Variants in PTPRD observed in about 807,000 individuals in gnomAD.
PTPRD encodes receptor-type tyrosine-protein phosphatase delta.
In PTPRD, 34 loss-of-function variants were observed where a neutral mutation model predicts 214.5. The ratio of observed to expected loss-of-function variants is 0.16; its 90% CI spans 0.12 to 0.21. The LOEUF (loss-of-function observed/expected upper bound fraction) is 0.21, where lower values mean the gene tolerates loss of function less well. Ranked by LOEUF, PTPRD falls within the 10% of genes least tolerant of loss-of-function variation. The pLI, the probability that PTPRD is intolerant of heterozygous loss-of-function variation, is 1.00. For synonymous variants in PTPRD, 1,128 were observed against 845.7 expected (o/e 1.33, Z -5.79); for missense variants, 2,545 against 2,398.7 (o/e 1.06, Z -1.27).
chr9:9,555,566 T>A (rs1247438604), intron 8 of PTPRD, among the ~76,000 whole-genome samples: 1 of 152,086 alleles, frequency 6.6e-6, no homozygotes, highest in Non-Finnish European at 1.5e-5. Flanking sequence ...TCAGCATTAT[T>A]GTAGGATGGA....
At chr9:9,295,663 G>A (rs1201181359) in intron 9 of PTPRD, among the ~76,000 whole-genome samples, 2 of 151,762 alleles carry the variant, frequency 1.3e-5, no homozygotes, top group Non-Finnish European at 2.9e-5. Flanking sequence ...ATATTTTATT[G>A]TATAACCAGA....
chr9:9,908,483 C>G (rs916538694), intron 5 of PTPRD, among the ~76,000 whole-genome samples: 6 of 151,954 alleles, frequency 3.9e-5, no homozygotes, highest in African/African-American at 1.4e-4. Context: ...CAGAATTGTA[C>G]TTGTTGAGCA....
At chr9:8,623,760 T>C (rs1316469709) in intron 14 of PTPRD, among the ~76,000 whole-genome samples, 3 of 151,798 alleles carry the variant, frequency 2.0e-5, no homozygotes, top group Non-Finnish European at 4.4e-5. Flanking sequence ...GGTTAGGAAA[T>C]GTGCACATTT....
intron 5 of PTPRD, among the ~76,000 whole-genome samples, chr9:9,771,264 C>G (rs982643448): frequency 2.0e-5 from 3 of 152,086 alleles, no homozygotes; most frequent in African/African-American, 7.2e-5. Context: ...CATTTCTCAT[C>G]ACTGTCTATT....
chr9:10,474,524 C>T (rs903598721), intron 2 of PTPRD, among the ~76,000 whole-genome samples: 8 of 152,048 alleles, frequency 5.3e-5, no homozygotes, highest in East Asian at 1.9e-4. Context: ...GACTTGGACT[C>T]CCACACAATA....
intron 10 of PTPRD, among the ~76,000 whole-genome samples, chr9:9,091,671 T>A (rs1451735484): frequency 2.0e-5 from 3 of 152,178 alleles, no homozygotes; most frequent in Non-Finnish European, 4.4e-5. Context: ...TGGACATATA[T>A]CTGCCTGTAA....
chr9:9,629,106 G>A (rs1003556053), intron 7 of PTPRD, among the ~76,000 whole-genome samples: 4 of 151,480 alleles, frequency 2.6e-5, no homozygotes, highest in Admixed American at 6.6e-5. Context: ...CCCGGGAGGC[G>A]GAGGTTGCAG....
chr9:9,515,636 G>T (rs888927676), intron 8 of PTPRD, among the ~76,000 whole-genome samples: 1 of 151,356 alleles, frequency 6.6e-6, no homozygotes, highest in Admixed American at 6.6e-5. Context: ...AAAACATGAA[G>T]AAATATGTAA....
intron 6 of PTPRD, among the ~76,000 whole-genome samples, chr9:9,741,594 A>G (rs2098403162): frequency 1.3e-5 from 2 of 152,112 alleles, no homozygotes; most frequent in African/African-American, 4.8e-5. Context: ...TCCTAATGCT[A>G]TCCCTCCCAT....
chr9:9,844,967 C>G (rs2059141099), intron 5 of PTPRD, among the ~76,000 whole-genome samples: 1 of 149,492 alleles, frequency 6.7e-6, no homozygotes, highest in Non-Finnish European at 1.5e-5. Context: ...AGTCTATATG[C>G]AAGTTACCAA....
At chr9:8,968,463 G>A (rs976843133) in intron 11 of PTPRD, among the ~76,000 whole-genome samples, 7 of 151,716 alleles carry the variant, frequency 4.6e-5, no homozygotes, top group Admixed American at 1.3e-4. Context: ...GGTGTGAGAT[G>A]GTATCTCATT....
intron 11 of PTPRD, among the ~76,000 whole-genome samples, chr9:9,010,645 C>G (rs1176735695): frequency 6.6e-6 from 1 of 150,754 alleles, no homozygotes; most frequent in African/African-American, 2.4e-5. Context: ...TTTCTGGGTT[C>G]TGATAACCTT....
intron 10 of PTPRD, among the ~76,000 whole-genome samples, chr9:9,085,679 A>C (rs1415318642): frequency 1.3e-5 from 2 of 151,568 alleles, no homozygotes; most frequent in South Asian, 4.2e-4. Flanking sequence ...TGGCCTTCAG[A>C]TTTTTCTGCT....
At position 8,698,188 on chromosome 9, in the gene PTPRD, A is replaced by G. The variant is rs577825526; in HGVS notation, c.64+35592T>C. Among the ~76,000 whole-genome samples the G allele has an allele frequency of 1.2e-4, 19 of 152,364 alleles. 1 individual carries two copies. The highest frequency in any genetic ancestry group is 2.4e-4 in the Non-Finnish European group (16 of 68,030). ...ATGATGTAGATATTGTAAAATGCAG[A>G]GTACTAGCATACTGAATGCATACTT... On this transcript the variant is annotated intron_variant, in intron 12 of 45. Coordinates refer to ENST00000381196, the MANE Select transcript of PTPRD (RefSeq NM_002839.4).
At chr9:10,049,603 A>C (rs2097488663) in intron 3 of PTPRD, among the ~76,000 whole-genome samples, 1 of 152,172 alleles carries the variant, frequency 6.6e-6, no homozygotes, top group African/African-American at 2.4e-5. Flanking sequence ...AGAGAAAGTT[A>C]ATTTGCTATA....
intron 5 of PTPRD, among the ~76,000 whole-genome samples, chr9:9,858,823 G>C (rs979026160): frequency 6.6e-6 from 1 of 152,162 alleles, no homozygotes; most frequent in East Asian, 1.9e-4. Flanking sequence ...ACAGTTATTT[G>C]TAGTTCAGAA....
intron 2 of PTPRD, among the ~76,000 whole-genome samples, chr9:10,503,201 A>C (rs1252329844): frequency 1.5e-5 from 2 of 134,556 alleles, no homozygotes; most frequent in African/African-American, 3.2e-5. Flanking sequence ...TACAAAAAAA[A>C]AAAAAACAAA....
At chr9:8,494,009 C>G (rs758178563) in intron 26 of PTPRD, among the ~76,000 whole-genome samples, 4 of 126,200 alleles carry the variant, frequency 3.2e-5, no homozygotes, top group African/African-American at 1.1e-4. Flanking sequence ...GACACACAGA[C>G]ACACACACAC....
intron 11 of PTPRD, among the ~76,000 whole-genome samples, chr9:8,766,520 T>C (rs531282087): frequency 1.3e-4 from 20 of 152,196 alleles, no homozygotes; most frequent in African/African-American, 4.8e-4. Context: ...TACTATCAAA[T>C]AGAAAATTAA....
Sources: gnomAD v4.1 joint callset for allele counts (sites outside exome capture counted in the v4.1 genomes callset) on GRCh38, gnomAD v4.1.1 for gene constraint, MANE v1.5 for transcripts, NCBI Gene and HGNC (gene_info 2026-07-23, HGNC 2026-07-21) for gene names.